The following DLG2 variants were observed in gnomAD, a reference collection of about 807,000 sequenced individuals.
DLG2 encodes the protein discs large MAGUK scaffold protein 2, also known as disks large homolog 2.
A neutral mutation model predicts 132.5 loss-of-function variants in DLG2; 45 were observed. The ratio of observed to expected loss-of-function variants is 0.34; its 90% CI spans 0.27 to 0.44. The LOEUF (loss-of-function observed/expected upper bound fraction) is 0.44. DLG2 is among the 20% of genes least tolerant of loss of function. DLG2 has a pLI of 1.00. For synonymous variants in DLG2, 424 were observed against 419.6 expected (o/e 1.01, Z -0.13); for missense variants, 1,045 against 1,196.9 (o/e 0.87, Z 1.87).
At position 85,395,181 on chromosome 11, in the gene DLG2, T is replaced by A. The variant is rs533954209; in HGVS notation, c.41-109816A>T. ...TTCATGGAACAGGTACATAAACATA[T>A]AAATGAAAAAAGTGTTAATAAAGAT... On this transcript the variant is annotated intron_variant, in intron 3 of 27. Coordinates refer to ENST00000376104, the MANE Select transcript of DLG2 (RefSeq NM_001142699.3). 3.3e-5 allele frequency among the ~76,000 whole-genome samples: 5 copies of A among 152,220 alleles called. No homozygotes were observed. In the South Asian group the frequency reaches 1.0e-3, roughly 32 times the overall value.
intron 4 of DLG2, among the ~76,000 whole-genome samples, chr11:85,227,055 A>G (rs555124300): frequency 6.6e-6 from 1 of 152,268 alleles, no homozygotes; most frequent in African/African-American, 2.4e-5. Context: ...AGCAGGAATG[A>G]CTGCAAGTGA....
chr11:84,997,734 C>T (rs2057796566), intron 6 of DLG2: 1 of 152,238 alleles, frequency 6.6e-6, no homozygotes, highest in Non-Finnish European at 1.5e-5. Context: ...TTGACATAGG[C>T]TCTTTCACAA....
intron 4 of DLG2, among the ~76,000 whole-genome samples, chr11:85,273,439 G>A (rs2077675479): frequency 6.6e-6 from 1 of 152,106 alleles, no homozygotes. Context: ...CAAAAAGTGG[G>A]CAAATGATAT....
intron 6 of DLG2, among the ~76,000 whole-genome samples, chr11:84,551,518 G>A (rs1056911480): frequency 6.6e-6 from 1 of 152,164 alleles, no homozygotes; most frequent in African/African-American, 2.4e-5. Flanking sequence ...TGCTTTACAA[G>A]CCTTAATTTA....
chr11:85,422,438 G>C (rs2090389837), intron 3 of DLG2, among the ~76,000 whole-genome samples: 1 of 151,732 alleles, frequency 6.6e-6, no homozygotes, highest in Non-Finnish European at 1.5e-5. Flanking sequence ...TTGTCTTCAA[G>C]CTCTAAATTT....
intron 6 of DLG2, among the ~76,000 whole-genome samples, chr11:85,053,471 A>G (rs1034375662): frequency 6.6e-6 from 1 of 151,894 alleles, no homozygotes; most frequent in Non-Finnish European, 1.5e-5. Context: ...CTAATCTCTT[A>G]AAACCTGGCA....
At chr11:84,882,325 G>GA (rs777498846) in intron 6 of DLG2, among the ~76,000 whole-genome samples, 243 of 149,642 alleles carry the variant, frequency 1.6e-3, no homozygotes, top group South Asian at 3.2e-3. Context: ...AGGCAAAAAA[G>GA]AAAAAAAAAT....
intron 6 of DLG2, among the ~76,000 whole-genome samples, chr11:84,766,818 G>A: frequency 6.6e-6 from 1 of 152,200 alleles, no homozygotes; most frequent in East Asian, 1.9e-4. Context: ...TTATAGTCAA[G>A]ATGCTTATAG....
chr11:85,324,681 G>C (rs2081317402), intron 3 of DLG2, among the ~76,000 whole-genome samples: 1 of 152,196 alleles, frequency 6.6e-6, no homozygotes, highest in Non-Finnish European at 1.5e-5. Context: ...TGCTGTATTT[G>C]TGAAGAATTC....
At chr11:83,756,475 C>T (rs11233741) in intron 18 of DLG2, among the ~76,000 whole-genome samples, 44,024 of 151,120 alleles carry the variant, frequency 0.29, 8,934 homozygotes, top group African/African-American at 0.55. Context: ...TGAAGAGAAG[C>T]GTAGTAGTTT....
intron 21 of DLG2, among the ~76,000 whole-genome samples, chr11:83,522,721 A>G (rs1301728641): frequency 6.6e-6 from 1 of 152,028 alleles, no homozygotes; most frequent in Non-Finnish European, 1.5e-5. Context: ...ATTATAGTTG[A>G]AAAATCACAT....
chr11:84,165,061 A>T (rs1012894701), intron 8 of DLG2, among the ~76,000 whole-genome samples: 5 of 152,182 alleles, frequency 3.3e-5, no homozygotes, highest in Admixed American at 2.6e-4. Context: ...AATGATTTTT[A>T]AAATAATTTT....
chr11:84,797,834 G>A (rs1466103604), intron 6 of DLG2, among the ~76,000 whole-genome samples: 1 of 152,120 alleles, frequency 6.6e-6, no homozygotes, highest in Non-Finnish European at 1.5e-5. Context: ...TTTTATGCTT[G>A]TTTGTACCTG....
intron 6 of DLG2, among the ~76,000 whole-genome samples, chr11:85,110,099 A>G (rs1364085061): frequency 6.6e-6 from 1 of 152,142 alleles, no homozygotes; most frequent in Non-Finnish European, 1.5e-5. Flanking sequence ...ATGGAGAAAC[A>G]GATGTAGGAA....
chr11:85,288,847 G>A (rs1384722762), intron 3 of DLG2, among the ~76,000 whole-genome samples: 1 of 151,886 alleles, frequency 6.6e-6, no homozygotes, highest in East Asian at 1.9e-4. Flanking sequence ...AGCAGTATTT[G>A]CAAGTCACCA....
chr11:85,224,185 TCC>T (rs1297212796), intron 4 of DLG2, among the ~76,000 whole-genome samples: 1 of 152,116 alleles, frequency 6.6e-6, no homozygotes, highest in Non-Finnish European at 1.5e-5. Context: ...TAAAAACCTC[TCC>T]CATATGAATT....
Position 85,180,337 on chromosome 11 carries a change from T to A in DLG2, c.187-25686A>T, listed in dbSNP as rs370355334. Among the ~76,000 whole-genome samples the A allele has an allele frequency of 3.1e-4, 47 of 151,940 alleles. 1 individual carries two copies. The South Asian group carries it at 9.5e-3, about 31-fold the overall frequency. ...ATTTTCTACAGTGCATAACTGTATGTCATTTTGTTAAACTTTTTTTAATGA... is the reference window on the plus strand; with the variant it reads ...ATTTTCTACAGTGCATAACTGTATGACATTTTGTTAAACTTTTTTTAATGA... On this transcript the variant is annotated intron_variant, in intron 4 of 27. Transcript: ENST00000376104.
intron 3 of DLG2, among the ~76,000 whole-genome samples, chr11:85,416,993 G>T (rs2089919947): frequency 6.6e-6 from 1 of 152,138 alleles, no homozygotes; most frequent in South Asian, 2.1e-4. Context: ...AATAGGAGTG[G>T]TGAGAGAGGG....
intron 4 of DLG2, among the ~76,000 whole-genome samples, chr11:85,233,767 C>T (rs564530710): frequency 6.7e-6 from 1 of 148,872 alleles, no homozygotes; most frequent in South Asian, 2.1e-4. Flanking sequence ...TGGACCTTTC[C>T]TTTTCTGGTG....
Sources: gnomAD v4.1 joint callset for allele counts (sites outside exome capture counted in the v4.1 genomes callset) on GRCh38, gnomAD v4.1.1 for gene constraint, MANE v1.5 for transcripts, NCBI Gene and HGNC (gene_info 2026-07-23, HGNC 2026-07-21) for gene names.